CACNG2: variants seen among roughly 807,000 people sequenced by gnomAD.
CACNG2 encodes voltage-dependent calcium channel gamma-2 subunit.
A neutral mutation model predicts 25.9 loss-of-function variants in CACNG2; 3 were observed. That is an observed-to-expected ratio of 0.12 (90% CI 0.05 to 0.30). The LOEUF (loss-of-function observed/expected upper bound fraction) is 0.30. CACNG2 is among the 10% of genes least tolerant of loss of function. The pLI is 1.00. For synonymous variants in CACNG2, 167 were observed against 173.3 expected (o/e 0.96, Z 0.29); for missense variants, 341 against 432.5 (o/e 0.79, Z 1.88).
intron 1 of CACNG2, among the ~76,000 whole-genome samples, chr22:36,607,113 T>C (rs746678029): frequency 1.3e-5 from 2 of 151,952 alleles, no homozygotes; most frequent in African/African-American, 2.4e-5. Flanking sequence ...GGTGGCTGAG[T>C]GGGGAAAGGA....
At chr22:36,665,395 T>C (rs564790644) in intron 1 of CACNG2, among the ~76,000 whole-genome samples, 1 of 152,328 alleles carries the variant, frequency 6.6e-6, no homozygotes, top group Non-Finnish European at 1.5e-5. Context: ...CGAGGATTGA[T>C]GGCCAATGTG....
Position 36,564,652 on chromosome 22 carries a change from G to T in CACNG2, c.671C>A (p.Thr224Asn). 1 of 1,613,950 alleles carries T rather than the reference G, an allele frequency of 6.2e-7. No individual in the cohort carries two copies. Residue 224 changes from threonine (T) to asparagine (N), a missense_variant, in exon 4 of 4, where the codon ACC becomes AAC. Around this residue, in one of 2 missense-constraint regions of CACNG2, gnomAD observed 172 missense variants for 178.1 expected, o/e 0.97. Coordinates refer to ENST00000300105, the MANE Select transcript of CACNG2 (RefSeq NM_006078.5). This position sits in a 1 kb window ranked among gnomAD's most constrained non-coding sequence, Gnocchi z 6.7. Reference protein sequence around the residue: ...ATDYLQASAITRIPSYRYRYQ... With the variant: ...ATDYLQASAINRIPSYRYRYQ... Reference sequence around the variant, plus strand: ...GCGGTAGCGGTAGCTGGGGATGCGGGTGATGGCAGAGGCCTGGAGGTAGTC... The same window carrying T: ...GCGGTAGCGGTAGCTGGGGATGCGGTTGATGGCAGAGGCCTGGAGGTAGTC...
intron 1 of CACNG2, among the ~76,000 whole-genome samples, chr22:36,598,218 C>T (rs537439115): frequency 3.3e-5 from 5 of 152,248 alleles, no homozygotes; most frequent in East Asian, 1.9e-4. Flanking sequence ...GGGTGTCCAG[C>T]GACTGTACTA....
chr22:36,653,264 C>T (rs1936647513), intron 1 of CACNG2, among the ~76,000 whole-genome samples: 1 of 152,094 alleles, frequency 6.6e-6, no homozygotes, highest in South Asian at 2.1e-4. Flanking sequence ...GTGGAGGTTG[C>T]AGTGAACCGA....
chr22:36,618,689 G>A (rs1485563425), intron 1 of CACNG2, among the ~76,000 whole-genome samples: 1 of 152,220 alleles, frequency 6.6e-6, no homozygotes, highest in Non-Finnish European at 1.5e-5. Flanking sequence ...GGGAGGCTGA[G>A]GCGAGCGGAT....
chr22:36,639,332 C>T (rs1388746585), intron 1 of CACNG2, among the ~76,000 whole-genome samples: 3 of 152,198 alleles, frequency 2.0e-5, no homozygotes, highest in East Asian at 3.8e-4. Flanking sequence ...TAGGTCAGTT[C>T]TTCCTAAGAA....
At chr22:36,614,322 T>G (rs1161805860) in intron 1 of CACNG2, among the ~76,000 whole-genome samples, 1 of 152,322 alleles carries the variant, frequency 6.6e-6, no homozygotes, top group East Asian at 1.9e-4. Flanking sequence ...ATACTCCCTA[T>G]TGATGCCTTA....
At chr22:36,689,976 C>T (rs1356420811) in intron 1 of CACNG2, among the ~76,000 whole-genome samples, 1 of 152,248 alleles carries the variant, frequency 6.6e-6, no homozygotes, top group African/African-American at 2.4e-5. Context: ...TGAATCTTAT[C>T]AACAGGCCCT....
At chr22:36,588,484 A>AC (rs1180649134) in intron 1 of CACNG2, among the ~76,000 whole-genome samples, 19 of 152,234 alleles carry the variant, frequency 1.2e-4, no homozygotes, top group Non-Finnish European at 2.5e-4. Context: ...CGGCTTCCTG[A>AC]CAGCAGAGAC....
intron 1 of CACNG2, among the ~76,000 whole-genome samples, chr22:36,687,596 G>A (rs1937217410): frequency 6.6e-6 from 1 of 152,230 alleles, no homozygotes; most frequent in African/African-American, 2.4e-5. Flanking sequence ...TCCCAAAGAT[G>A]TCCACATCCC....
At chr22:36,571,040 G>A (rs969650930) in intron 2 of CACNG2, among the ~76,000 whole-genome samples, 7 of 152,130 alleles carry the variant, frequency 4.6e-5, no homozygotes, top group Non-Finnish European at 1.0e-4. Context: ...TTACTGCTCT[G>A]AGCCTCAGTT....
intron 2 of CACNG2, among the ~76,000 whole-genome samples, chr22:36,578,644 A>T (rs1290630673): frequency 1.3e-5 from 2 of 151,944 alleles, no homozygotes; most frequent in Non-Finnish European, 2.9e-5. Context: ...GGAGGTGGGG[A>T]GAGAGGGGCA....
At position 36,675,167 on chromosome 22, in the gene CACNG2, G is replaced by A. The variant is rs555964822; in HGVS notation, c.211+27199C>T. Among the ~76,000 whole-genome samples, 41 of 152,254 alleles carry A rather than the reference G, an allele frequency of 2.7e-4. No individual in the cohort carries two copies. The South Asian group carries it at 8.1e-3, about 30-fold the overall frequency. ...TCCTCCTGCCTCAACTTTCAGAGTAGTTGGGACTACAGGCATGTACCACCA... is the reference window on the plus strand; with the variant it reads ...TCCTCCTGCCTCAACTTTCAGAGTAATTGGGACTACAGGCATGTACCACCA... On this transcript the variant is annotated intron_variant, in intron 1 of 3. Coordinates refer to ENST00000300105, the MANE Select transcript of CACNG2 (RefSeq NM_006078.5).
chr22:36,604,521 T>C (rs572148882), intron 1 of CACNG2, among the ~76,000 whole-genome samples: 1 of 152,282 alleles, frequency 6.6e-6, no homozygotes, highest in African/African-American at 2.4e-5. Context: ...GAAGAATCAA[T>C]TGATGTGGCA....
Position 36,564,584 on chromosome 22 carries a change from A to G in CACNG2, c.739T>C (p.Ser247Pro). The G allele has an allele frequency of 6.2e-7, 1 of 1,613,912 alleles. No homozygotes were observed. The highest frequency in any genetic ancestry group is 8.5e-7 in the Non-Finnish European group (1 of 1,179,938). ...SRSSSRSTEP[S>P]HSRDASPVGI... ...ACGGGGGAGGCGTCCCTGGAGTGTG[A>G]GGGCTCCGTGGAGCGCGAGCTGGAG... is the stretch of plus-strand genomic sequence containing the variant. Residue 247 changes from serine to proline, a missense_variant, in exon 4 of 4, where the codon TCA (serine) becomes CCA (proline). By Grantham distance (74) the Ser-to-Pro change is moderately conservative. Coordinates refer to ENST00000300105, the MANE Select transcript of CACNG2 (RefSeq NM_006078.5). The surrounding 1 kb of genome is among the most constrained non-coding windows in gnomAD (Gnocchi z 6.7).
chr22:36,597,227 T>C (rs1935691636), intron 1 of CACNG2, among the ~76,000 whole-genome samples: 1 of 152,232 alleles, frequency 6.6e-6, no homozygotes, highest in African/African-American at 2.4e-5. Context: ...TTTCGCCATG[T>C]TGGCCAGGCT....
intron 2 of CACNG2, among the ~76,000 whole-genome samples, chr22:36,567,721 A>T (rs1935151119): frequency 6.7e-6 from 1 of 149,818 alleles, no homozygotes; most frequent in East Asian, 2.0e-4. Flanking sequence ...GAAGTAAAAC[A>T]TTTTTTTTTT....
chr22:36,637,029 C>T lies in CACNG2; in HGVS notation c.212-49481G>A, dbSNP rs532876316. Reference sequence around the variant, plus strand: ...AGGACCCAGGGATTAACGTCCAGGGCGTTAACATCATAATTGGGCCAGCCT... The same window carrying T: ...AGGACCCAGGGATTAACGTCCAGGGTGTTAACATCATAATTGGGCCAGCCT... On this transcript the variant is annotated intron_variant, in intron 1 of 3. Transcript: ENST00000300105. 1.8e-4 allele frequency among the ~76,000 whole-genome samples: 27 copies of T among 152,312 alleles called. No homozygotes were observed. The South Asian group carries it at 2.9e-3, about 16-fold the overall frequency.
intron 1 of CACNG2, among the ~76,000 whole-genome samples, chr22:36,695,785 G>C (rs1038973449): frequency 3.3e-5 from 5 of 151,942 alleles, no homozygotes; most frequent in Non-Finnish European, 5.9e-5. Context: ...ATGTGAATTG[G>C]GATTCAAATA....
Sources: gnomAD v4.1 joint callset for allele counts (sites outside exome capture counted in the v4.1 genomes callset) on GRCh38, gnomAD v4.1.1 for gene constraint, gnomAD v4.1.1 regional missense constraint, Gnocchi (gnomAD v3.1) non-coding constraint, MANE v1.5 for transcripts, NCBI Gene and HGNC (gene_info 2026-07-23, HGNC 2026-07-21) for gene names.